The following SYNPO2 variants were observed in gnomAD, a reference collection of about 807,000 sequenced individuals.
The protein encoded by SYNPO2 is synaptopodin-2.
In SYNPO2, 56 loss-of-function variants were observed where a neutral mutation model predicts 85.0. The observed-to-expected ratio is 0.66, with a 90% CI of 0.53 to 0.82. The LOEUF is 0.82. Among genes scored for constraint, SYNPO2 ranks in the 40% least tolerant of loss-of-function variants. The pLI, the probability that SYNPO2 is intolerant of heterozygous loss-of-function variation, is 0.00. For missense variants in SYNPO2, 1,575 were observed against 1,534.2 expected, an observed-to-expected ratio of 1.03 and a Z score of -0.44; for synonymous variants, 602 against 591.1, an observed-to-expected ratio of 1.02 and a Z score of -0.27.
At chr4:118,921,743 C>T (rs1477735376) in intron 1 of SYNPO2, among the ~76,000 whole-genome samples, 1 of 151,736 alleles carries the variant, frequency 6.6e-6, no homozygotes, top group African/African-American at 2.4e-5. Context: ...CTTTAAATTC[C>T]TACAACATCA....
chr4:118,882,713 G>C (rs1405456954), intron 1 of SYNPO2, among the ~76,000 whole-genome samples: 6 of 151,360 alleles, frequency 4.0e-5, no homozygotes, highest in African/African-American at 1.5e-4. Flanking sequence ...GTTTTTACTT[G>C]TTGAGCCATT....
chr4:119,027,005 T>C lies in SYNPO2; in HGVS notation c.636T>C (p.Ser212=), dbSNP rs1355561972. 1 of 1,614,062 alleles carries C rather than the reference T, an allele frequency of 6.2e-7. No individual in the cohort carries two copies. Among genetic ancestry groups the C allele is most frequent in the African/African-American group, 1.3e-5 (1 of 74,920 alleles). The change falls in exon 3 of 5, where the codon AGT becomes AGC. Residue 212 remains serine, a synonymous_variant. Transcript: ENST00000307142. Reference sequence around the variant, plus strand: ...CACAGGAGAGACATAAGGGCGCTAGTGGCCCTTTAGTGGCTCTCCCGGGAG... The same window carrying C: ...CACAGGAGAGACATAAGGGCGCTAGCGGCCCTTTAGTGGCTCTCCCGGGAG... ...SLSQERHKGA[S]GPLVALPGAE...
intron 1 of SYNPO2, among the ~76,000 whole-genome samples, chr4:118,919,253 G>A (rs1733454529): frequency 4.4e-5 from 2 of 45,904 alleles, no homozygotes; most frequent in Non-Finnish European, 1.1e-4. Flanking sequence ...TCTGAGCCTG[G>A]ATTGAGCCTC....
chr4:118,912,230 G>A (rs996950555), intron 1 of SYNPO2, among the ~76,000 whole-genome samples: 6 of 152,276 alleles, frequency 3.9e-5, no homozygotes, highest in African/African-American at 9.6e-5. Context: ...TGCCCAGGCC[G>A]GAGTGCAGTA....
chr4:118,960,119 A>T lies in SYNPO2; in HGVS notation c.106-63311A>T, dbSNP rs369459207. ...TGACAGCCACCAGAAGTGGGAAGAA[A>T]CAAGAAGTGAATGTTCTCCTAGTCT... is the stretch of plus-strand genomic sequence containing the variant. On this transcript the variant is annotated intron_variant, in intron 1 of 4. Transcript: ENST00000307142. Among the ~76,000 whole-genome samples the T allele has an allele frequency of 6.6e-5, 10 of 152,166 alleles. No individual in the cohort carries two copies. The East Asian group carries it at 1.9e-3, about 29-fold the overall frequency.
intron 1 of SYNPO2, among the ~76,000 whole-genome samples, chr4:118,989,470 C>G (rs182339866): frequency 6.6e-6 from 1 of 152,192 alleles, no homozygotes; most frequent in African/African-American, 2.4e-5. Context: ...GATCATATCT[C>G]CCTAGCAAGC....
rs1027950893 is a variant in SYNPO2, at chr4:118,892,847, C to T, written c.105+3706C>T. 6.6e-5 allele frequency among the ~76,000 whole-genome samples: 10 copies of T among 152,098 alleles called. No homozygotes were observed. In the East Asian group the frequency reaches 1.7e-3, roughly 26 times the overall value. On this transcript the variant is annotated intron_variant, in intron 1 of 4. Coordinates refer to ENST00000307142, the MANE Select transcript of SYNPO2 (RefSeq NM_133477.3). ...TTGTATAATCCTTCATTTCATAAGG[C>T]CAAAATGAATTTAATAATTCTTATC... is the stretch of plus-strand genomic sequence containing the variant.
At chr4:118,992,081 C>T (rs1348357481) in intron 1 of SYNPO2, among the ~76,000 whole-genome samples, 14 of 151,962 alleles carry the variant, frequency 9.2e-5, no homozygotes, top group African/African-American at 1.7e-4. Flanking sequence ...AAAAAGAGGG[C>T]GGCAGGAGAT....
At chr4:118,933,294 T>C (rs965781768) in intron 1 of SYNPO2, among the ~76,000 whole-genome samples, 21 of 152,352 alleles carry the variant, frequency 1.4e-4, no homozygotes, top group African/African-American at 4.8e-4. Flanking sequence ...CAGTGCCATA[T>C]GTAGGAAATG....
intron 1 of SYNPO2, among the ~76,000 whole-genome samples, chr4:118,906,388 G>A (rs6816173): frequency 2.0e-5 from 3 of 152,148 alleles, no homozygotes; most frequent in Non-Finnish European, 2.9e-5. Context: ...ACCTGAATTC[G>A]AGGTATGAGT....
chr4:119,015,483 G>T (rs1737491936), intron 1 of SYNPO2, among the ~76,000 whole-genome samples: 2 of 151,820 alleles, frequency 1.3e-5, no homozygotes, highest in African/African-American at 4.8e-5. Context: ...ATATTTGTTG[G>T]GTACATGAGA....
chr4:119,055,400 C>T lies in SYNPO2; in HGVS notation c.3253-2001C>T, dbSNP rs548617198. ...GAACTCCTGATCTCAAGTGATCCAT[C>T]TGCCTCAGCCTCCCCAAGAGTTGGG... On this transcript the variant is annotated intron_variant, in intron 4 of 4. Coordinates refer to ENST00000307142, the MANE Select transcript of SYNPO2 (RefSeq NM_133477.3). Among the ~76,000 whole-genome samples the T allele has an allele frequency of 2.2e-4, 34 of 152,314 alleles. 1 individual carries two copies. The East Asian group carries it at 6.4e-3, about 29-fold the overall frequency.
At chr4:119,056,312 G>A (rs1363427940) in intron 4 of SYNPO2, among the ~76,000 whole-genome samples, 1 of 152,186 alleles carries the variant, frequency 6.6e-6, no homozygotes, top group Non-Finnish European at 1.5e-5. Flanking sequence ...CAGCAACTTG[G>A]GAGGCTGAGG....
chr4:119,052,987 C>T (rs1739099096), intron 4 of SYNPO2, among the ~76,000 whole-genome samples: 1 of 152,114 alleles, frequency 6.6e-6, no homozygotes, highest in Non-Finnish European at 1.5e-5. Context: ...ATTAAATTCC[C>T]TTGATGATGA....
intron 1 of SYNPO2, among the ~76,000 whole-genome samples, chr4:118,927,054 G>T (rs1733735588): frequency 6.6e-6 from 1 of 152,152 alleles, no homozygotes; most frequent in South Asian, 2.1e-4. Context: ...ACACTGAGCT[G>T]TCCTCCTGTA....
chr4:119,007,235 TATATATATATGTATATAC>T lies in SYNPO2; in HGVS notation c.106-16184_106-16167del, dbSNP rs1268133468. Among the ~76,000 whole-genome samples, 439 of 48,502 alleles carry T rather than the reference TATATATATATGTATATAC, an allele frequency of 9.1e-3. 2 individuals are homozygous for T. Among genetic ancestry groups the T allele is most frequent in the African/African-American group, 0.014 (149 of 10,576 alleles). The allele number at this position is 48,502 out of a possible 152,430, so 31.8% of individuals were successfully genotyped here. On this transcript the variant is annotated intron_variant, in intron 1 of 4. Coordinates refer to ENST00000307142, the MANE Select transcript of SYNPO2 (RefSeq NM_133477.3). ...ACAAAGGTATATATATATATATATA[TATATATATATGTATATAC>T]ATATATATATATATATATATATGTA...
intron 1 of SYNPO2, among the ~76,000 whole-genome samples, chr4:118,970,567 T>G (rs10004422): frequency 4.5e-4 from 68 of 152,334 alleles, no homozygotes; most frequent in African/African-American, 1.6e-3. Context: ...CCCCACATAT[T>G]ATTTACAAAT....
At position 119,030,760 on chromosome 4, in the gene SYNPO2, A is replaced by T; in HGVS notation, c.1985A>T (p.Asp662Val). ...PAPWSQPAFYDSSERIASRDE... is the reference protein window; with the variant it reads ...PAPWSQPAFYVSSERIASRDE... ...CCGTGGTCCCAGCCAGCCTTTTACG[A>T]TTCGTCTGAGCGAATAGCTTCCCGA... The change falls in exon 4 of 5, where the codon GAT (aspartate) becomes GTT (valine). Residue 662 changes from aspartate (D) to valine (V), a missense_variant. This residue lies in a region of SYNPO2 where 1,508 missense variants were observed against 1,446.8 expected (regional missense o/e 1.04). Coordinates refer to ENST00000307142, the MANE Select transcript of SYNPO2 (RefSeq NM_133477.3). 1 of 1,614,098 alleles carries T rather than the reference A, an allele frequency of 6.2e-7. No homozygotes were observed.
intron 4 of SYNPO2, among the ~76,000 whole-genome samples, chr4:119,052,753 T>C (rs1455097544): frequency 2.0e-5 from 3 of 152,208 alleles, no homozygotes; most frequent in Admixed American, 1.3e-4. Flanking sequence ...GATGGCATCA[T>C]CTATTTCAAA....
Sources: allele counts gnomAD v4.1 joint callset (sites outside exome capture counted in the v4.1 genomes callset), GRCh38; gene constraint gnomAD v4.1.1; regional missense constraint gnomAD v4.1.1; transcripts MANE v1.5; gene names NCBI Gene and HGNC (gene_info 2026-07-23, HGNC 2026-07-21).